The following PDPR variants were observed in gnomAD, a reference collection of about 807,000 sequenced individuals.
PDPR encodes pyruvate dehydrogenase phosphatase regulatory subunit, mitochondrial.
In PDPR, 50 loss-of-function variants were observed where a neutral mutation model predicts 102.2. The observed-to-expected ratio is 0.49, with a 90% CI of 0.39 to 0.62. The LOEUF is 0.62. Among genes scored for constraint, PDPR ranks in the 20% least tolerant of loss-of-function variants. The probability of loss-of-function intolerance (pLI) is 0.00; values close to 1 mark genes in which losing one functional copy is unlikely to be tolerated. For missense variants in PDPR, 625 were observed against 1,098.2 expected, an observed-to-expected ratio of 0.57 and a Z score of 6.09; for synonymous variants, 259 against 406.0, an observed-to-expected ratio of 0.64 and a Z score of 4.35.
In PDPR at chr16:70,160,343, C is replaced by G. The variant is rs1256352050; in HGVS notation, c.*3464C>G. On this transcript the variant is annotated 3_prime_UTR_variant, in exon 19 of 19. Coordinates refer to ENST00000288050, the MANE Select transcript of PDPR (RefSeq NM_017990.5). ...AGCAAAAAGGGACAAACACTAACTG[C>G]TGAGCTGGGCCATTTGATCTCCTTT... 2.0e-5 allele frequency: 3 copies of G among 152,978 alleles called. No homozygotes were observed. The highest frequency in any genetic ancestry group is 4.4e-5 in the Non-Finnish European group (3 of 68,584). The allele number at this position is 152,978 out of a possible 1,614,324, so 9.5% of individuals were successfully genotyped here. A position where few individuals can be genotyped will look rare whatever the true frequency, so the allele number is the denominator to read the frequency against.
rs545588561 is a variant in PDPR, at chr16:70,127,363, C to G, written c.331C>G (p.Gln111Glu). The G allele has an allele frequency of 6.2e-7, 1 of 1,608,326 alleles. No homozygotes were observed. Among genetic ancestry groups the G allele is most frequent in the East Asian group, 2.2e-5 (1 of 44,850 alleles). Reference protein sequence around the residue: ...MADYSNKLYYQLEQETGIQTG... With the variant: ...MADYSNKLYYELEQETGIQTG... ...AGACTACTCAAACAAACTCTACTAT[C>G]AGTTAGAGCAAGAAACAGGGATCCA... is the stretch of plus-strand genomic sequence containing the variant. Residue 111 changes from glutamine (Q) to glutamate (E), a missense_variant, in exon 4 of 19, where the codon CAG (glutamine) becomes GAG (glutamate). Gln to Glu is a conservative substitution (Grantham distance 29). Transcript: ENST00000288050.
chr16:70,114,211 G>A (rs1030777633), upstream of PDPR: 11 of 152,250 alleles, frequency 7.2e-5, no homozygotes, highest in Admixed American at 5.2e-4. Flanking sequence ...GCGTCACGGC[G>A]CGCTCGTGCG....
intron 6 of PDPR, among the ~76,000 whole-genome samples, chr16:70,129,923 T>C (rs1433956978): frequency 2.6e-5 from 4 of 152,278 alleles, no homozygotes; most frequent in Non-Finnish European, 4.4e-5. Context: ...TTAAACTGAG[T>C]TGCTATTTTC....
intron 6 of PDPR, among the ~76,000 whole-genome samples, chr16:70,129,948 C>T (rs745699133): frequency 2.0e-5 from 3 of 152,254 alleles, no homozygotes; most frequent in Non-Finnish European, 4.4e-5. Flanking sequence ...TTGAACAAGG[C>T]CCATTTACAT....
At chr16:70,154,604 G>A (rs1325760708) in intron 18 of PDPR, among the ~76,000 whole-genome samples, 1 of 152,258 alleles carries the variant, frequency 6.6e-6, no homozygotes, top group Non-Finnish European at 1.5e-5. Flanking sequence ...GTACAAACTA[G>A]TCGTCCTATA....
At position 70,156,844 on chromosome 16, in the gene PDPR, G is replaced by T. The variant is rs1350127985; in HGVS notation, c.2605G>T (p.Asp869Tyr). The change falls in exon 19 of 19, where the codon GAT (aspartate) becomes TAT (tyrosine). Residue 869 changes from aspartate to tyrosine, a missense_variant. Around this residue, in one of 11 missense-constraint regions of PDPR, gnomAD observed 303 missense variants for 258.9 expected, o/e 1.17. Coordinates refer to ENST00000288050, the MANE Select transcript of PDPR (RefSeq NM_017990.5). ...CCTCTTCACCCAGAAGCGCCGAAAG[G>T]ATGACATGGAGCTGAGTGACTTACA... ...ASLFTQKRRK[D>Y]DMELSDLHGK 1 of 1,613,982 alleles carries T rather than the reference G, an allele frequency of 6.2e-7. No homozygotes were observed. Among genetic ancestry groups the T allele is most frequent in the South Asian group, 1.1e-5 (1 of 91,050 alleles).
upstream of PDPR, chr16:70,114,130 A>C (rs1185565966): frequency 6.6e-6 from 1 of 152,176 alleles, no homozygotes; most frequent in Admixed American, 6.5e-5. Context: ...TGAGGGTGGC[A>C]AAGAGGCCGC....
chr16:70,131,582 C>T, intron 8 of PDPR, 163 bp downstream of exon 8: 1 of 771,212 alleles, frequency 1.3e-6, no homozygotes, highest in Non-Finnish European at 1.6e-6. Context: ...TTTATTAACT[C>T]TTTATGAAAG....
rs577336868 is a variant in PDPR at position 70,145,207 on chromosome 16, C to G, written c.1867+674C>G. On this transcript the variant is annotated intron_variant, in intron 15 of 18. Coordinates refer to ENST00000288050, the MANE Select transcript of PDPR (RefSeq NM_017990.5). ...GGCAGAGGTTGCAGTGAGCCAAGATCATGCCATTGCACCTCCACCTCCCGG... is the reference window on the plus strand; with the variant it reads ...GGCAGAGGTTGCAGTGAGCCAAGATGATGCCATTGCACCTCCACCTCCCGG... 5.3e-5 allele frequency among the ~76,000 whole-genome samples: 8 copies of G among 152,312 alleles called. No homozygotes were observed. The South Asian group carries it at 1.5e-3, about 28-fold the overall frequency.
intron 2 of PDPR, among the ~76,000 whole-genome samples, chr16:70,119,920 G>GT (rs796983852): frequency 7.3e-6 from 1 of 137,662 alleles, no homozygotes; most frequent in African/African-American, 3.3e-5. Flanking sequence ...TTGTTTGTTT[G>GT]TTTGTTTTTT....
chr16:70,130,619 T>G (rs1597323947), intron 7 of PDPR, 75 bp downstream of exon 7: 2 of 1,576,394 alleles, frequency 1.3e-6, no homozygotes, highest in East Asian at 4.5e-5. Context: ...GAAGTAAGAT[T>G]AGTATTGTGA....
At chr16:70,146,510 T>C (rs1436718826) in intron 16 of PDPR, among the ~76,000 whole-genome samples, 1 of 126,882 alleles carries the variant, frequency 7.9e-6, no homozygotes, top group Non-Finnish European at 1.6e-5. Context: ...TCCCAGCTAC[T>C]TGGGAGGCTG....
intron 11 of PDPR, 109 bp from the exon 12 acceptor site, chr16:70,142,125 C>T (rs1334975449): frequency 1.5e-5 from 20 of 1,296,344 alleles, no homozygotes; most frequent in Middle Eastern, 4.0e-4. Context: ...ACTACGTTAG[C>T]CTGGAAAGCT....
Position 70,117,961 on chromosome 16 carries a change from C to T in PDPR, c.-32-2500C>T, listed in dbSNP as rs140485810. On this transcript the variant is annotated intron_variant, in intron 2 of 18. Coordinates refer to ENST00000288050, the MANE Select transcript of PDPR (RefSeq NM_017990.5). ...TACAAAAAGTAACTGGGCGTGGTGG[C>T]GCGTGCTTGTAGTTCCAGCTGTTCA... Among the ~76,000 whole-genome samples, 22 of 151,900 alleles carry T rather than the reference C, an allele frequency of 1.4e-4. No homozygotes were observed. The East Asian group carries it at 1.9e-3, about 13-fold the overall frequency.
At chr16:70,114,477 G>T (rs1962423200) in intron 1 of PDPR, 37 bp downstream of exon 1, 1 of 152,160 alleles carries the variant, frequency 6.6e-6, no homozygotes, top group South Asian at 2.1e-4. Flanking sequence ...TGGCCTCCCC[G>T]TCCGCGCGGG....
chr16:70,154,172 A>G (rs971440872), intron 18 of PDPR, among the ~76,000 whole-genome samples: 2 of 152,228 alleles, frequency 1.3e-5, no homozygotes, highest in African/African-American at 2.4e-5. Context: ...AAAAAAATTT[A>G]CAAAAAGTAG....
intron 4 of PDPR, among the ~76,000 whole-genome samples, chr16:70,128,125 T>C (rs1338831828): frequency 6.6e-6 from 1 of 152,256 alleles, no homozygotes; most frequent in Non-Finnish European, 1.5e-5. Context: ...GAGTGGCCTT[T>C]GCCAGGGATT....
chr16:70,120,377 C>T, intron 2 of PDPR, 84 bp from the exon 3 acceptor site: 1 of 736,204 alleles, frequency 1.4e-6, no homozygotes, highest in Non-Finnish European at 2.3e-6. Flanking sequence ...GAATGAATGG[C>T]TATCGTTCTT....
intron 7 of PDPR, among the ~76,000 whole-genome samples, chr16:70,131,097 T>C (rs1314894696): frequency 2.6e-5 from 4 of 152,236 alleles, no homozygotes. Flanking sequence ...TATCTCTTCC[T>C]TTGATCTCAA....
Sources: allele counts gnomAD v4.1 joint callset (sites outside exome capture counted in the v4.1 genomes callset), GRCh38; gene constraint gnomAD v4.1.1; regional missense constraint gnomAD v4.1.1; transcripts MANE v1.5; gene names NCBI Gene and HGNC (gene_info 2026-07-23, HGNC 2026-07-21).